NRG3: variants seen among roughly 807,000 people sequenced by gnomAD.
NRG3 encodes the protein pro-neuregulin-3, membrane-bound isoform.
In NRG3, 31 loss-of-function variants were observed where a neutral mutation model predicts 66.9. The ratio of observed to expected loss-of-function variants is 0.46; its 90% CI spans 0.35 to 0.63. The LOEUF (loss-of-function observed/expected upper bound fraction) is 0.63. Among genes scored for constraint, NRG3 ranks in the 20% least tolerant of loss-of-function variants. The pLI is 0.00. For missense variants in NRG3, 910 were observed against 878.9 expected, an observed-to-expected ratio of 1.04 and a Z score of -0.45; for synonymous variants, 393 against 359.4, an observed-to-expected ratio of 1.09 and a Z score of -1.06.
rs554259414 is a variant in NRG3, at chr10:81,987,052, C to T, written c.823+110889C>T. On this transcript the variant is annotated intron_variant, in intron 1 of 8. Coordinates refer to ENST00000372141, the MANE Select transcript of NRG3 (RefSeq NM_001010848.4). ...ATATAACTTTGAAAACTATATTACC[C>T]TGTATAGATGCCATAGTGTGTGTGT... Among the ~76,000 whole-genome samples the T allele has an allele frequency of 3.3e-5, 5 of 151,486 alleles. No individual in the cohort carries two copies. In the East Asian group the frequency reaches 9.8e-4, roughly 30 times the overall value.
At chr10:82,365,980 T>G (rs1488477650) in intron 2 of NRG3, among the ~76,000 whole-genome samples, 1 of 152,162 alleles carries the variant, frequency 6.6e-6, no homozygotes, top group Non-Finnish European at 1.5e-5. Context: ...ATCCAAGAAT[T>G]GACACAAATT....
intron 1 of NRG3, among the ~76,000 whole-genome samples, chr10:82,093,788 C>G (rs1408942907): frequency 6.6e-6 from 1 of 152,140 alleles, no homozygotes; most frequent in African/African-American, 2.4e-5. Context: ...CCTTCCATGA[C>G]AGTGTCCAGG....
intron 4 of NRG3, among the ~76,000 whole-genome samples, chr10:82,888,303 G>T (rs1360963508): frequency 6.6e-6 from 1 of 152,126 alleles, no homozygotes; most frequent in African/African-American, 2.4e-5. Flanking sequence ...TAAATAAATG[G>T]TTACATATGT....
intron 1 of NRG3, among the ~76,000 whole-genome samples, chr10:82,275,638 A>G (rs1220853508): frequency 6.6e-6 from 1 of 151,950 alleles, no homozygotes; most frequent in Non-Finnish European, 1.5e-5. Flanking sequence ...CCAATTCCAA[A>G]TGATTTCCCT....
At chr10:82,411,415 T>C (rs998529174) in intron 2 of NRG3, among the ~76,000 whole-genome samples, 3 of 152,134 alleles carry the variant, frequency 2.0e-5, no homozygotes, top group Non-Finnish European at 2.9e-5. Context: ...GAGGAAGCCA[T>C]GACCAAAAGT....
chr10:82,703,071 G>A (rs1054555968), intron 2 of NRG3, among the ~76,000 whole-genome samples: 2 of 120,710 alleles, frequency 1.7e-5, no homozygotes. Context: ...TCTCTCTCTC[G>A]CTCACTCTCT....
chr10:81,999,321 AT>A (rs1055906797), intron 1 of NRG3, among the ~76,000 whole-genome samples: 2 of 152,196 alleles, frequency 1.3e-5, no homozygotes, highest in African/African-American at 2.4e-5. Flanking sequence ...AAGAAGAACG[AT>A]TTCTAAAACT....
chr10:82,481,646 C>T (rs1842278338), intron 2 of NRG3, among the ~76,000 whole-genome samples: 2 of 152,140 alleles, frequency 1.3e-5, no homozygotes, highest in South Asian at 4.1e-4. Flanking sequence ...TAATTCTATT[C>T]ATAAATATTA....
chr10:82,544,262 A>G (rs1481781048), intron 2 of NRG3, among the ~76,000 whole-genome samples: 2 of 152,200 alleles, frequency 1.3e-5, no homozygotes, highest in Non-Finnish European at 2.9e-5. Flanking sequence ...ACAAAGGAAT[A>G]CATTCTCCCT....
chr10:82,879,545 T>A (rs1270013837), intron 4 of NRG3, among the ~76,000 whole-genome samples: 1 of 147,680 alleles, frequency 6.8e-6, no homozygotes. Flanking sequence ...CGATCTCGGC[T>A]CACTGCAAGC....
At chr10:82,661,800 G>A (rs919297409) in intron 2 of NRG3, among the ~76,000 whole-genome samples, 13 of 152,316 alleles carry the variant, frequency 8.5e-5, no homozygotes, top group Non-Finnish European at 1.5e-4. Context: ...AACACAAAAC[G>A]CAAGCACTAA....
intron 1 of NRG3, among the ~76,000 whole-genome samples, chr10:82,174,612 G>C (rs1391763406): frequency 6.6e-6 from 1 of 152,044 alleles, no homozygotes; most frequent in Non-Finnish European, 1.5e-5. Flanking sequence ...GTAGCACAGA[G>C]CTTAGTACTG....
At position 82,401,224 on chromosome 10, in the gene NRG3, A is replaced by G. The variant is rs537199069; in HGVS notation, c.953+42356A>G. ...TTTACACATAAACACATAAGAATGT[A>G]TATGTGCATGTATTTATATATGTTA... is the stretch of plus-strand genomic sequence containing the variant. On this transcript the variant is annotated intron_variant, in intron 2 of 8. Transcript: ENST00000372141. Among the ~76,000 whole-genome samples, 28 of 152,310 alleles carry G rather than the reference A, an allele frequency of 1.8e-4. No individual in the cohort carries two copies. In the South Asian group the frequency reaches 5.4e-3, roughly 29 times the overall value.
At chr10:81,898,393 A>G (rs2132627870) in intron 1 of NRG3, among the ~76,000 whole-genome samples, 1 of 152,366 alleles carries the variant, frequency 6.6e-6, no homozygotes, top group Non-Finnish European at 1.5e-5. Flanking sequence ...AGTGACAGCC[A>G]CGTGCTGGAA....
intron 1 of NRG3, among the ~76,000 whole-genome samples, chr10:82,142,922 GTT>G (rs11286244): frequency 1.3e-3 from 158 of 118,932 alleles, no homozygotes; most frequent in Middle Eastern, 9.2e-3. Context: ...ACCTGGCTAA[GTT>G]TTTTTTTTTT....
At chr10:81,934,599 T>C (rs1003280229) in intron 1 of NRG3, among the ~76,000 whole-genome samples, 6 of 152,218 alleles carry the variant, frequency 3.9e-5, no homozygotes, top group African/African-American at 1.4e-4. Context: ...TGGAGAGATT[T>C]CTTTAGATAT....
Position 82,052,622 on chromosome 10 carries a change from G to A in NRG3, c.823+176459G>A, listed in dbSNP as rs1034092561. Reference sequence around the variant, plus strand: ...AAAATATAGAGAAATTAGAGTTCAGGTGAGAAGAGTTAAAGTGATTAAGAG... The same window carrying A: ...AAAATATAGAGAAATTAGAGTTCAGATGAGAAGAGTTAAAGTGATTAAGAG... On this transcript the variant is annotated intron_variant, in intron 1 of 8. Transcript: ENST00000372141. 3.3e-5 allele frequency among the ~76,000 whole-genome samples: 5 copies of A among 152,288 alleles called. No individual in the cohort carries two copies. In the East Asian group the frequency reaches 5.8e-4, roughly 18 times the overall value.
rs113385818 is a variant in NRG3 at position 82,703,614 on chromosome 10, G to C, written c.954-34963G>C. Among the ~76,000 whole-genome samples the C allele has an allele frequency of 4.6e-5, 7 of 152,232 alleles. 1 individual carries two copies. The highest frequency in any genetic ancestry group is 1.7e-4 in the African/African-American group (7 of 41,550). On this transcript the variant is annotated intron_variant, in intron 2 of 8. Transcript: ENST00000372141. ...TTTATGGGTCAGATTCGTTCCTTTA[G>C]TGGGCTCTTTTAGAGGGTTTTATTG...
chr10:82,460,042 G>C (rs2091440841), intron 2 of NRG3, among the ~76,000 whole-genome samples: 1 of 152,164 alleles, frequency 6.6e-6, no homozygotes, highest in Non-Finnish European at 1.5e-5. Flanking sequence ...CCTAACTGGA[G>C]TGAGGATTGC....
Sources: gnomAD v4.1 joint callset for allele counts (sites outside exome capture counted in the v4.1 genomes callset) on GRCh38, gnomAD v4.1.1 for gene constraint, MANE v1.5 for transcripts, NCBI Gene and HGNC (gene_info 2026-07-23, HGNC 2026-07-21) for gene names.